TAFA4: variants seen among roughly 807,000 people sequenced by gnomAD.
The protein encoded by TAFA4 is TAFA chemokine like family member 4.
TAFA4 carries 20 observed loss-of-function variants against 21.1 expected under a neutral mutation model. The ratio of observed to expected loss-of-function variants is 0.95; its 90% confidence interval spans 0.67 to 1.38. The LOEUF (loss-of-function observed/expected upper bound fraction) is 1.38. Ranked by LOEUF, TAFA4 falls within the 40% of genes most tolerant of loss-of-function variation. The probability of loss-of-function intolerance (pLI) is 0.00; values close to 1 mark genes in which losing one functional copy is unlikely to be tolerated. For synonymous variants in TAFA4, 71 were observed against 67.4 expected, an observed-to-expected ratio of 1.05 and a Z score of -0.26; for missense variants, 211 against 180.9, an observed-to-expected ratio of 1.17 and a Z score of -0.95.
chr3:68,922,700 C>T (rs1431545821), intron 1 of TAFA4, among the ~76,000 whole-genome samples: 9 of 152,160 alleles, frequency 5.9e-5, no homozygotes, highest in Non-Finnish European at 1.5e-5. Flanking sequence ...CAAAATCTCT[C>T]GAAGAAACGG....
chr3:68,811,744 C>T (rs1444541226), intron 3 of TAFA4, among the ~76,000 whole-genome samples: 2 of 152,348 alleles, frequency 1.3e-5, no homozygotes, highest in Middle Eastern at 3.4e-3. Context: ...AGTTGGAAAA[C>T]ATTCTGCAGG....
chr3:68,876,457 T>G (rs2089550961), intron 3 of TAFA4, among the ~76,000 whole-genome samples: 1 of 152,222 alleles, frequency 6.6e-6, no homozygotes, highest in African/African-American at 2.4e-5. Context: ...AATTTAAGCC[T>G]CAGAGAGACT....
At chr3:68,741,127 G>C (rs184736323) in intron 4 of TAFA4, among the ~76,000 whole-genome samples, 1 of 152,144 alleles carries the variant, frequency 6.6e-6, no homozygotes, top group Non-Finnish European at 1.5e-5. Flanking sequence ...TAGCTATTTG[G>C]GGTCTTTTGT....
intron 2 of TAFA4, among the ~76,000 whole-genome samples, chr3:68,881,379 A>G (rs1221684899): frequency 6.6e-6 from 1 of 152,238 alleles, no homozygotes; most frequent in Non-Finnish European, 1.5e-5. Context: ...ACAGGTGAAT[A>G]TAAAATAAAT....
At chr3:68,819,852 A>C (rs1702819934) in intron 3 of TAFA4, among the ~76,000 whole-genome samples, 1 of 152,192 alleles carries the variant, frequency 6.6e-6, no homozygotes, top group African/African-American at 2.4e-5. Flanking sequence ...TAAATTAATA[A>C]AGCCATTATG....
chr3:68,876,426 A>G (rs2089550814), intron 3 of TAFA4, among the ~76,000 whole-genome samples: 1 of 152,170 alleles, frequency 6.6e-6, no homozygotes, highest in Non-Finnish European at 1.5e-5. Flanking sequence ...CAATTTTATC[A>G]TTTTCACAAA....
rs546965074 is a variant in TAFA4, at chr3:68,802,134, G to T, written c.131-49116C>A. Among the ~76,000 whole-genome samples, 7 of 152,234 alleles carry T rather than the reference G, an allele frequency of 4.6e-5. No homozygotes were observed. The South Asian group carries it at 1.2e-3, about 27-fold the overall frequency. Reference sequence around the variant, plus strand: ...ACTCTGTTACAAAATAATAATGGTGGTATTAAGCAATAGGAAAAACTATTC... The same window carrying T: ...ACTCTGTTACAAAATAATAATGGTGTTATTAAGCAATAGGAAAAACTATTC... On this transcript the variant is annotated intron_variant, in intron 3 of 5. Transcript: ENST00000295569.
intron 3 of TAFA4, among the ~76,000 whole-genome samples, chr3:68,768,085 C>CA (rs1246016194): frequency 6.6e-6 from 1 of 151,974 alleles, no homozygotes; most frequent in Non-Finnish European, 1.5e-5. Flanking sequence ...ATCCCCAAAG[C>CA]ACAGGCAAGA....
At chr3:68,830,474 C>T (rs1289642477) in intron 3 of TAFA4, among the ~76,000 whole-genome samples, 1 of 152,184 alleles carries the variant, frequency 6.6e-6, no homozygotes, top group Admixed American at 6.5e-5. Context: ...GCAGATTGTT[C>T]ACTTTCCATG....
intron 1 of TAFA4, among the ~76,000 whole-genome samples, chr3:68,920,138 T>G (rs1168993423): frequency 3.3e-5 from 5 of 152,152 alleles, no homozygotes; most frequent in African/African-American, 1.2e-4. Context: ...TAAAATACAG[T>G]ACATTCATAG....
intron 3 of TAFA4, among the ~76,000 whole-genome samples, chr3:68,803,797 C>CTTTGTTTTTTTT (rs1703626546): frequency 2.5e-5 from 2 of 81,594 alleles, no homozygotes; most frequent in Non-Finnish European, 4.2e-5. Context: ...ATCTCTGATT[C>CTTTGTTTTTTTT]TTTTTTTTTT....
At chr3:68,824,865 C>T (rs534601218) in intron 3 of TAFA4, among the ~76,000 whole-genome samples, 2 of 152,144 alleles carry the variant, frequency 1.3e-5, no homozygotes, top group Non-Finnish European at 2.9e-5. Flanking sequence ...TACTATGAAT[C>T]GGGCATTTTA....
At chr3:68,795,732 G>A (rs1703443278) in intron 3 of TAFA4, among the ~76,000 whole-genome samples, 1 of 152,192 alleles carries the variant, frequency 6.6e-6, no homozygotes, top group Non-Finnish European at 1.5e-5. Context: ...CCCATTTGGT[G>A]AGGCCATGTT....
At chr3:68,874,227 A>G (rs1297721737) in intron 3 of TAFA4, among the ~76,000 whole-genome samples, 1 of 152,140 alleles carries the variant, frequency 6.6e-6, no homozygotes, top group Non-Finnish European at 1.5e-5. Flanking sequence ...TAGTAGTCAA[A>G]TTGTTTTTAA....
In TAFA4 at chr3:68,789,863, C is replaced by T. The variant is rs1019409658; in HGVS notation, c.131-36845G>A. ...CACACATCAATAAAACCGTGGTAAC[C>T]TCTCACCTCTAAAATGAGGATATAA... On this transcript the variant is annotated intron_variant, in intron 3 of 5. Transcript: ENST00000295569. Among the ~76,000 whole-genome samples the T allele has an allele frequency of 1.3e-5, 2 of 152,170 alleles. 1 individual carries two copies. The highest frequency in any genetic ancestry group is 4.1e-4 in the South Asian group (2 of 4,832).
chr3:68,852,392 G>A (rs2063270193), intron 3 of TAFA4, among the ~76,000 whole-genome samples: 1 of 152,276 alleles, frequency 6.6e-6, no homozygotes, highest in East Asian at 1.9e-4. Context: ...CTATTCCTGT[G>A]TGGAGGCCTG....
At chr3:68,848,465 C>A (rs1315898729) in intron 3 of TAFA4, among the ~76,000 whole-genome samples, 1 of 152,136 alleles carries the variant, frequency 6.6e-6, no homozygotes. Context: ...ATGCCTTTTT[C>A]CCCAGGAAGG....
chr3:68,774,835 G>C (rs534074362), intron 3 of TAFA4, among the ~76,000 whole-genome samples: 1 of 152,140 alleles, frequency 6.6e-6, no homozygotes, highest in African/African-American at 2.4e-5. Flanking sequence ...AAAACTATAA[G>C]TGACTCTGTG....
At chr3:68,826,927 G>A (rs1704252788) in intron 3 of TAFA4, among the ~76,000 whole-genome samples, 2 of 152,078 alleles carry the variant, frequency 1.3e-5, no homozygotes, top group Non-Finnish European at 2.9e-5. Flanking sequence ...GGGTACATGT[G>A]CACAACATGC....
Sources: allele counts gnomAD v4.1 joint callset (sites outside exome capture counted in the v4.1 genomes callset), GRCh38; gene constraint gnomAD v4.1.1; transcripts MANE v1.5; gene names NCBI Gene and HGNC (gene_info 2026-07-23, HGNC 2026-07-21).